The following GPC6 variants were observed in gnomAD, a reference collection of about 807,000 sequenced individuals.
GPC6 encodes the protein glypican-6.
A neutral mutation model predicts 55.2 loss-of-function variants in GPC6; 14 were observed. That is an observed-to-expected ratio of 0.25 (90% CI 0.17 to 0.40). The LOEUF is 0.40. Among genes scored for constraint, GPC6 ranks in the 10% least tolerant of loss-of-function variants. GPC6 has a pLI of 1.00. For synonymous variants in GPC6, 278 were observed against 259.6 expected, an observed-to-expected ratio of 1.07 and a Z score of -0.68; for missense variants, 641 against 708.5, an observed-to-expected ratio of 0.90 and a Z score of 1.08.
At chr13:93,496,586 T>C (rs1024389755) in intron 1 of GPC6, among the ~76,000 whole-genome samples, 16 of 152,226 alleles carry the variant, frequency 1.1e-4, no homozygotes, top group African/African-American at 3.9e-4. Context: ...TCAAAAATTT[T>C]AAAGCCTGGG....
In GPC6 at chr13:93,281,778, T is replaced by G. The variant is rs553155396; in HGVS notation, c.160+54162T>G. The stretch of plus-strand genomic sequence containing the variant: ...TTGTGGTAAGCCACGATCATGCCAG[T>G]GTACTCCAGCGTGGGCGACGGAGTG... On this transcript the variant is annotated intron_variant, in intron 1 of 8. Transcript: ENST00000377047. 2.0e-5 allele frequency among the ~76,000 whole-genome samples: 3 copies of G among 152,266 alleles called. No individual in the cohort carries two copies. In the South Asian group the frequency reaches 6.2e-4, roughly 32 times the overall value.
intron 1 of GPC6, among the ~76,000 whole-genome samples, chr13:93,314,311 A>G (rs1051049303): frequency 6.6e-6 from 1 of 152,176 alleles, no homozygotes; most frequent in African/African-American, 2.4e-5. Context: ...CCTGGAAAAC[A>G]GATACAGAAT....
At chr13:93,934,864 T>G (rs1878354037) in intron 3 of GPC6, among the ~76,000 whole-genome samples, 1 of 151,216 alleles carries the variant, frequency 6.6e-6, no homozygotes, top group African/African-American at 2.4e-5. Context: ...GTGTCTGACT[T>G]TGTGAATTTC....
chr13:93,515,433 T>C (rs1364715080), intron 1 of GPC6, among the ~76,000 whole-genome samples: 1 of 152,218 alleles, frequency 6.6e-6, no homozygotes, highest in Non-Finnish European at 1.5e-5. Context: ...TATGTTTTTA[T>C]AATACATTTA....
intron 4 of GPC6, among the ~76,000 whole-genome samples, chr13:94,225,132 G>A (rs1000035886): frequency 7.2e-5 from 11 of 152,030 alleles, no homozygotes; most frequent in Non-Finnish European, 1.2e-4. Context: ...CTAGGGTGTC[G>A]GCTGTTCTTT....
At chr13:93,427,612 C>G (rs1359562696) in intron 1 of GPC6, among the ~76,000 whole-genome samples, 2 of 152,148 alleles carry the variant, frequency 1.3e-5, no homozygotes, top group African/African-American at 4.8e-5. Context: ...CAATAAATTT[C>G]CTATTATCAC....
At chr13:93,294,348 C>T (rs1351684157) in intron 1 of GPC6, among the ~76,000 whole-genome samples, 1 of 152,122 alleles carries the variant, frequency 6.6e-6, no homozygotes, top group African/African-American at 2.4e-5. Flanking sequence ...ATCTTTGATA[C>T]ATGGATTCTT....
At chr13:94,279,451 G>A (rs1200194562) in intron 4 of GPC6, among the ~76,000 whole-genome samples, 2 of 149,222 alleles carry the variant, frequency 1.3e-5, no homozygotes, top group African/African-American at 4.9e-5. Flanking sequence ...CTTCAATTCT[G>A]CCCCGATCTT....
In GPC6 at chr13:93,955,910, C is replaced by G. The variant is rs367852008; in HGVS notation, c.712-71819C>G. 7.1e-4 allele frequency among the ~76,000 whole-genome samples: 108 copies of G among 152,230 alleles called. No individual in the cohort carries two copies. In the South Asian group the frequency reaches 0.021, roughly 30 times the overall value. ...ACTAATTAATCTATTTTCTCTTCCC[C>G]CTCTTTTTTCCCTTGTGTGTGTCTT... On this transcript the variant is annotated intron_variant, in intron 3 of 8. Coordinates refer to ENST00000377047, the MANE Select transcript of GPC6 (RefSeq NM_005708.5).
At chr13:93,487,026 G>T (rs2139349369) in intron 1 of GPC6, among the ~76,000 whole-genome samples, 1 of 151,768 alleles carries the variant, frequency 6.6e-6, no homozygotes, top group Middle Eastern at 3.4e-3. Context: ...AGCATAAACT[G>T]GTGTGATGAA....
chr13:93,717,567 T>C (rs1883293268), intron 2 of GPC6, among the ~76,000 whole-genome samples: 1 of 151,664 alleles, frequency 6.6e-6, no homozygotes, highest in Non-Finnish European at 1.5e-5. Context: ...TTTTATAACA[T>C]GATGCTGATT....
Position 93,475,961 on chromosome 13 carries a change from A to AT in GPC6, c.161-69290dup, listed in dbSNP as rs562012972. 5.9e-3 allele frequency among the ~76,000 whole-genome samples: 857 copies of AT among 146,416 alleles called. 3 individuals carry two copies. Among genetic ancestry groups the AT allele is most frequent in the South Asian group, 0.011 (49 of 4,650 alleles). The stretch of plus-strand genomic sequence containing the variant: ...TGTTACGCTTTTGAGAATGACTGGG[A>AT]TTTTTTTTTTTTATGAGAGAGTATT... On this transcript the variant is annotated intron_variant, in intron 1 of 8. Transcript: ENST00000377047.
At chr13:94,126,767 T>C (rs886886332) in intron 4 of GPC6, among the ~76,000 whole-genome samples, 1 of 152,200 alleles carries the variant, frequency 6.6e-6, no homozygotes, top group Non-Finnish European at 1.5e-5. Flanking sequence ...TGTATATTGA[T>C]AACATAAGAA....
chr13:94,167,286 G>A (rs543825529), intron 4 of GPC6, among the ~76,000 whole-genome samples: 1 of 152,278 alleles, frequency 6.6e-6, no homozygotes, highest in Admixed American at 6.5e-5. Context: ...TCATAACAGT[G>A]TTAAGGGGTG....
rs565561664 is a variant in GPC6 at position 93,476,281 on chromosome 13, C to T, written c.161-68982C>T. Among the ~76,000 whole-genome samples, 4 of 151,686 alleles carry T rather than the reference C, an allele frequency of 2.6e-5. No individual in the cohort carries two copies. In the East Asian group the frequency reaches 5.8e-4, roughly 22 times the overall value. ...TGCTATTCCTATTTGTGTGTGTGTGCGTGTCTGTGTGTGCGTGCGTGTGTG... is the reference window on the plus strand; with the variant it reads ...TGCTATTCCTATTTGTGTGTGTGTGTGTGTCTGTGTGTGCGTGCGTGTGTG... On this transcript the variant is annotated intron_variant, in intron 1 of 8. Transcript: ENST00000377047.
chr13:93,756,931 T>G (rs917219546), intron 2 of GPC6, among the ~76,000 whole-genome samples: 3 of 152,172 alleles, frequency 2.0e-5, no homozygotes, highest in African/African-American at 7.2e-5. Flanking sequence ...TTTTCCAGAC[T>G]TAAGTTCCAC....
intron 2 of GPC6, among the ~76,000 whole-genome samples, chr13:93,757,486 G>C (rs995963644): frequency 6.6e-6 from 1 of 152,078 alleles, no homozygotes; most frequent in South Asian, 2.1e-4. Context: ...GAGATCTATG[G>C]GAGCAGTGAG....
intron 1 of GPC6, among the ~76,000 whole-genome samples, chr13:93,506,894 C>CAAA (rs34398987): frequency 1.6e-5 from 2 of 123,112 alleles, no homozygotes; most frequent in African/African-American, 3.1e-5. Context: ...AAAGAAAATA[C>CAAA]AAAAAAAAAA....
chr13:93,488,045 G>A lies in GPC6; in HGVS notation c.161-57218G>A, dbSNP rs137905330. 8.0e-3 allele frequency among the ~76,000 whole-genome samples: 1,213 copies of A among 152,212 alleles called. 16 individuals carry two copies. The highest frequency in any genetic ancestry group is 0.027 in the African/African-American group (1,110 of 41,514). On this transcript the variant is annotated intron_variant, in intron 1 of 8. Transcript: ENST00000377047. ...GCAGGTTTGTTACATATGTATACAT[G>A]TGCCAAGTTGGTGTGCTGCACCCAC...
Sources: allele counts gnomAD v4.1 joint callset (sites outside exome capture counted in the v4.1 genomes callset), GRCh38; gene constraint gnomAD v4.1.1; transcripts MANE v1.5; gene names NCBI Gene and HGNC (gene_info 2026-07-23, HGNC 2026-07-21).